The following FLI1 variants were observed in gnomAD, a reference collection of about 807,000 sequenced individuals.
The protein encoded by FLI1 is Friend leukemia integration 1 transcription factor.
In FLI1, 13 loss-of-function variants were observed where a neutral mutation model predicts 53.1. The observed-to-expected ratio is 0.24, with a 90% CI of 0.16 to 0.39. The LOEUF is 0.39. FLI1 is among the 10% of genes least tolerant of loss of function. The pLI is 1.00. For missense variants in FLI1, 424 were observed against 600.5 expected (o/e 0.71, Z 3.07); for synonymous variants, 244 against 236.7 (o/e 1.03, Z -0.28).
intron 1 of FLI1, among the ~76,000 whole-genome samples, chr11:128,723,933 ATTTTTT>A (rs376612983): frequency 3.7e-5 from 3 of 80,972 alleles, no homozygotes; most frequent in Non-Finnish European, 6.7e-5. Flanking sequence ...AATGGAGTTG[ATTTTTT>A]TTTTTTTTTT....
At chr11:128,738,563 A>G (rs760102185) in intron 1 of FLI1, among the ~76,000 whole-genome samples, 2 of 152,256 alleles carry the variant, frequency 1.3e-5, no homozygotes, top group South Asian at 4.1e-4. Flanking sequence ...CTTTGCAGCC[A>G]GAAAGATCTG....
chr11:128,809,033 T>G (rs1359458118), intron 7 of FLI1, 124 bp from the exon 8 acceptor site: 5 of 683,150 alleles, frequency 7.3e-6, no homozygotes, highest in African/African-American at 3.6e-5. Context: ...AGTAAAGTTT[T>G]CTGAAATCAG....
chr11:128,762,216 T>C (rs1276610652), intron 2 of FLI1, among the ~76,000 whole-genome samples: 1 of 152,242 alleles, frequency 6.6e-6, no homozygotes, highest in Non-Finnish European at 1.5e-5. Context: ...ATCCTCTGAG[T>C]ATTATTGATA....
At chr11:128,751,839 T>C (rs1940660808) in intron 1 of FLI1, among the ~76,000 whole-genome samples, 1 of 151,522 alleles carries the variant, frequency 6.6e-6, no homozygotes, top group Non-Finnish European at 1.5e-5. Flanking sequence ...TGTTTTTTTT[T>C]TTTTGTAGAG....
intron 1 of FLI1, chr11:128,748,409 C>T (rs1459730032): frequency 4.1e-5 from 9 of 221,254 alleles, no homozygotes; most frequent in East Asian, 1.8e-4. Flanking sequence ...TTTGGGAGGC[C>T]GAGGCAGGTG....
At chr11:128,797,910 A>G (rs1200810682) in intron 5 of FLI1, among the ~76,000 whole-genome samples, 1 of 152,150 alleles carries the variant, frequency 6.6e-6, no homozygotes, top group Non-Finnish European at 1.5e-5. Context: ...AAGACAACTC[A>G]CCAGTGAGCC....
intron 1 of FLI1, among the ~76,000 whole-genome samples, chr11:128,720,531 A>T (rs958245386): frequency 5.9e-5 from 9 of 152,088 alleles, no homozygotes; most frequent in African/African-American, 1.7e-4. Context: ...GCCTTCGCTC[A>T]CCTCCTTGTG....
chr11:128,811,116 AC>A lies in FLI1; in HGVS notation c.*130del. On this transcript the variant is annotated 3_prime_UTR_variant, in exon 9 of 9. Transcript: ENST00000527786. ...TGGATGTTCTTTCTTGTTGGATAGAACCTTTGTATTTGTTCTTTAAAAACAT... is the reference window on the plus strand; with the variant it reads ...TGGATGTTCTTTCTTGTTGGATAGAACTTTGTATTTGTTCTTTAAAAACAT... 2.2e-6 allele frequency: 2 copies of A among 911,782 alleles called. No individual in the cohort carries two copies. The highest frequency in any genetic ancestry group is 4.8e-5 in the Admixed American group (2 of 41,922). 56.5% of individuals were successfully genotyped at this position (911,782 alleles called of 1,614,324 possible).
chr11:128,731,450 T>C (rs937984526), intron 1 of FLI1, among the ~76,000 whole-genome samples: 3 of 149,008 alleles, frequency 2.0e-5, no homozygotes, highest in African/African-American at 7.5e-5. Context: ...AGGTCAAGTA[T>C]GAAAGGGTGG....
rs530163034 is a variant in FLI1, at chr11:128,812,279, A to G, written c.*1291A>G. On this transcript the variant is annotated 3_prime_UTR_variant, in exon 9 of 9. Coordinates refer to ENST00000527786, the MANE Select transcript of FLI1 (RefSeq NM_002017.5). ...GATTTTCCTGCTCTATATAAGCAAC[A>G]TATTTTTAGACATTAAAATATATAT... 4.6e-4 allele frequency: 100 copies of G among 219,220 alleles called. No individual in the cohort carries two copies. The highest frequency in any genetic ancestry group is 1.5e-3 in the Middle Eastern group (1 of 680). 13.6% of individuals were successfully genotyped at this position (219,220 alleles called of 1,614,324 possible). A position where few individuals can be genotyped will look rare whatever the true frequency, so the allele number is the denominator to read the frequency against.
At chr11:128,725,736 G>T (rs1939448799) in intron 1 of FLI1, among the ~76,000 whole-genome samples, 1 of 151,708 alleles carries the variant, frequency 6.6e-6, no homozygotes, top group Admixed American at 6.6e-5. Context: ...ACTAGCAGCT[G>T]CAAACTTATG....
chr11:128,732,215 C>T (rs889412368), intron 1 of FLI1, among the ~76,000 whole-genome samples: 2 of 152,302 alleles, frequency 1.3e-5, no homozygotes, highest in East Asian at 1.9e-4. Context: ...TCCATCCATT[C>T]AGCCAATCAG....
intron 6 of FLI1, 74 bp from the exon 7 acceptor site, chr11:128,807,106 A>C: frequency 1.2e-6 from 1 of 815,312 alleles, no homozygotes; most frequent in Non-Finnish European, 1.9e-6. Flanking sequence ...GTGAGAAAGC[A>C]CATCTGTCAA....
intron 1 of FLI1, among the ~76,000 whole-genome samples, chr11:128,749,851 T>C (rs1224074148): frequency 1.3e-5 from 2 of 152,088 alleles, no homozygotes; most frequent in African/African-American, 4.8e-5. Flanking sequence ...AATGCGCACA[T>C]GTAGAGAGGA....
chr11:128,713,584 A>T (rs1299639251), intron 1 of FLI1, among the ~76,000 whole-genome samples: 1 of 151,866 alleles, frequency 6.6e-6, no homozygotes, highest in Non-Finnish European at 1.5e-5. Context: ...AGACAGGTAT[A>T]GTTCCTCCTT....
intron 1 of FLI1, among the ~76,000 whole-genome samples, chr11:128,719,085 C>G (rs768491719): frequency 3.9e-5 from 6 of 152,006 alleles, no homozygotes; most frequent in Non-Finnish European, 7.4e-5. Context: ...AGAGTTGAAC[C>G]CTGTAATTAC....
At chr11:128,736,445 C>G (rs1162762244) in intron 1 of FLI1, among the ~76,000 whole-genome samples, 1 of 152,192 alleles carries the variant, frequency 6.6e-6, no homozygotes, top group East Asian at 1.9e-4. Context: ...ACTTGAAATT[C>G]TAACTGGTAG....
chr11:128,712,582 C>T lies in FLI1; in HGVS notation c.18+18306C>T, dbSNP rs555558537. Among the ~76,000 whole-genome samples the T allele has an allele frequency of 4.6e-5, 7 of 152,190 alleles. No individual in the cohort carries two copies. The East Asian group carries it at 9.6e-4, about 21-fold the overall frequency. ...GGCTAGGGAGGCTTCACAATCATGG[C>T]GGAAGGCAAGGAGGAGAAAGTCACA... On this transcript the variant is annotated intron_variant, in intron 1 of 8. Coordinates refer to ENST00000527786, the MANE Select transcript of FLI1 (RefSeq NM_002017.5).
intron 4 of FLI1, among the ~76,000 whole-genome samples, chr11:128,776,663 G>T (rs919658244): frequency 1.3e-5 from 2 of 152,130 alleles, no homozygotes; most frequent in East Asian, 3.9e-4. Context: ...GAGGAAAAAA[G>T]GTTGCCCCCT....
Sources: gnomAD v4.1 joint callset for allele counts (sites outside exome capture counted in the v4.1 genomes callset) on GRCh38, gnomAD v4.1.1 for gene constraint, MANE v1.5 for transcripts, NCBI Gene and HGNC (gene_info 2026-07-23, HGNC 2026-07-21) for gene names.